The following EPN2 variants were observed in gnomAD, a reference collection of about 807,000 sequenced individuals.
The protein encoded by EPN2 is epsin-2.
A neutral mutation model predicts 61.7 loss-of-function variants in EPN2; 34 were observed. That is an observed-to-expected ratio of 0.55 (90% CI 0.42 to 0.73). EPN2 has a LOEUF of 0.73. EPN2 is among the 30% of genes least tolerant of loss of function. The pLI is 0.00. For synonymous variants in EPN2, 349 were observed against 353.6 expected, an observed-to-expected ratio of 0.99 and a Z score of 0.15; for missense variants, 714 against 839.2, an observed-to-expected ratio of 0.85 and a Z score of 1.84.
At chr17:19,315,512 A>T (rs1430176253) in intron 7 of EPN2, among the ~76,000 whole-genome samples, 2 of 151,568 alleles carry the variant, frequency 1.3e-5, no homozygotes, top group Admixed American at 1.3e-4. Context: ...TTTTTTTGAG[A>T]CAGTCTCACT....
At chr17:19,319,944 A>G (rs1391036276) in intron 7 of EPN2, among the ~76,000 whole-genome samples, 1 of 152,232 alleles carries the variant, frequency 6.6e-6, no homozygotes, top group Non-Finnish European at 1.5e-5. Context: ...TTGGGATTAC[A>G]CCATGCCCAG....
At chr17:19,272,558 C>G (rs1042544838) in intron 1 of EPN2, among the ~76,000 whole-genome samples, 1 of 152,092 alleles carries the variant, frequency 6.6e-6, no homozygotes, top group African/African-American at 2.4e-5. Flanking sequence ...ATTTTAGAAG[C>G]GAGGACCCTG....
intron 7 of EPN2, among the ~76,000 whole-genome samples, chr17:19,325,609 T>TA (rs1173787373): frequency 6.6e-6 from 1 of 152,216 alleles, no homozygotes; most frequent in African/African-American, 2.4e-5. Flanking sequence ...GAAAAAAGCC[T>TA]ATAGCTAACA....
rs2045391010 is a variant in EPN2 at position 19,285,010 on chromosome 17, A to G, written c.596-610A>G. 6.6e-6 allele frequency among the ~76,000 whole-genome samples: 1 copy of G among 152,234 alleles called. No individual in the cohort carries two copies. Among genetic ancestry groups the G allele is most frequent in the Admixed American group, 6.5e-5 (1 of 15,288 alleles). On this transcript the variant is annotated intron_variant, in intron 3 of 10. Coordinates refer to ENST00000314728, the MANE Select transcript of EPN2 (RefSeq NM_014964.5). This position sits in a 1 kb window ranked among gnomAD's most constrained non-coding sequence, Gnocchi z 4.5. ...AAGCCTCAATGCAGGGTTAAATTGC[A>G]CCAAAACAAATGAAGATTGCCCTTT...
chr17:19,262,917 A>G (rs1384686623), intron 1 of EPN2, among the ~76,000 whole-genome samples: 2 of 152,232 alleles, frequency 1.3e-5, no homozygotes, highest in East Asian at 3.8e-4. Context: ...AATGGGCCAG[A>G]ACTTCCTTTT....
chr17:19,308,155 C>T (rs902166832), intron 4 of EPN2: 1 of 533,506 alleles, frequency 1.9e-6, no homozygotes, highest in Non-Finnish European at 2.4e-6. Context: ...CTCACTGCAA[C>T]CTCTGCCTTC....
intron 4 of EPN2, among the ~76,000 whole-genome samples, chr17:19,290,700 C>CAAAAAAAAAA (rs757256478): frequency 2.0e-4 from 8 of 40,988 alleles, no homozygotes; most frequent in Non-Finnish European, 2.7e-4. Flanking sequence ...TTCCCGTTCT[C>CAAAAAAAAAA]AAAAAAAAAA....
chr17:19,286,198 A>C (rs954534354), intron 4 of EPN2, among the ~76,000 whole-genome samples: 2 of 152,222 alleles, frequency 1.3e-5, no homozygotes, highest in South Asian at 2.1e-4. Flanking sequence ...CACCAGACAA[A>C]TATAAGATCC....
At chr17:19,294,758 A>G (rs534690150) in intron 4 of EPN2, among the ~76,000 whole-genome samples, 16 of 152,300 alleles carry the variant, frequency 1.1e-4, no homozygotes, top group African/African-American at 3.6e-4. Context: ...CACCTTTGCC[A>G]CACTTCTCAA....
intron 1 of EPN2, chr17:19,257,806 C>T (rs1482110789): frequency 1.3e-5 from 2 of 152,394 alleles, no homozygotes; most frequent in East Asian, 3.9e-4. Flanking sequence ...GTGTGAGCCA[C>T]CACACCCAGC....
chr17:19,257,416 A>T (rs2045091924), intron 1 of EPN2, among the ~76,000 whole-genome samples: 1 of 152,206 alleles, frequency 6.6e-6, no homozygotes, highest in Non-Finnish European at 1.5e-5. Flanking sequence ...CCTAAGTAGG[A>T]TGGACCAAAC....
chr17:19,290,279 G>A (rs1484893344), intron 4 of EPN2, among the ~76,000 whole-genome samples: 5 of 152,196 alleles, frequency 3.3e-5, no homozygotes, highest in African/African-American at 1.2e-4. Flanking sequence ...GGGGTGAGCA[G>A]CCCACATGTT....
Position 19,246,924 on chromosome 17 carries a change from C to T in EPN2, c.-294+9393C>T, listed in dbSNP as rs1037127453. On this transcript the variant is annotated intron_variant, in intron 1 of 10. Coordinates refer to ENST00000314728, the MANE Select transcript of EPN2 (RefSeq NM_014964.5). ...CTGGGACTACAGGCGCCCGCCACCA[C>T]GCCTGGCTGATTTCTTTTTGTATTT... Among the ~76,000 whole-genome samples the T allele has an allele frequency of 3.9e-5, 6 of 152,050 alleles. No individual in the cohort carries two copies. The East Asian group carries it at 7.7e-4, about 20-fold the overall frequency.
chr17:19,276,927 C>T (rs1567851390), intron 1 of EPN2, among the ~76,000 whole-genome samples: 1 of 152,046 alleles, frequency 6.6e-6, no homozygotes, highest in Non-Finnish European at 1.5e-5. Context: ...TCACACACTT[C>T]CTCAGGTTTG....
At chr17:19,318,548 T>TGAAAAAAAAAAAAAAAAAAAAA (rs1906493222) in intron 7 of EPN2, among the ~76,000 whole-genome samples, 1 of 1,480 alleles carries the variant, frequency 6.8e-4, no homozygotes, top group Non-Finnish European at 7.8e-3. Flanking sequence ...AGACTCCATC[T>TGAAAAAAAAAAAAAAAAAAAAA]CAAAAAAAAA....
chr17:19,314,825 G>A (rs1179708770), intron 7 of EPN2, among the ~76,000 whole-genome samples: 1 of 152,234 alleles, frequency 6.6e-6, no homozygotes, highest in Non-Finnish European at 1.5e-5. Flanking sequence ...ACCACACATG[G>A]GGACTGTGGT....
At position 19,283,610 on chromosome 17, in the gene EPN2, A is replaced by G. The variant is rs775446915; in HGVS notation, c.491A>G (p.Asn164Ser). ...MAQVATGMGS[N>S]QITFGRGSSQ... ...CAGGTTGCCACTGGCATGGGCAGCA[A>G]CCAGATCACCTTTGGGCGAGGCTCC... The change falls in exon 3 of 11, where the codon AAC becomes AGC. Residue 164 changes from asparagine to serine, a missense_variant. Coordinates refer to ENST00000314728, the MANE Select transcript of EPN2 (RefSeq NM_014964.5). The surrounding 1 kb of genome is among the most constrained non-coding windows in gnomAD (Gnocchi z 7.0). 1.9e-6 allele frequency: 3 copies of G among 1,614,134 alleles called. No homozygotes were observed. The highest frequency in any genetic ancestry group is 3.3e-5 in the Admixed American group (2 of 60,032).
chr17:19,301,858 A>G (rs1905536378), intron 4 of EPN2, among the ~76,000 whole-genome samples: 2 of 152,232 alleles, frequency 1.3e-5, no homozygotes, highest in African/African-American at 4.8e-5. Context: ...GCTCATGGGA[A>G]CAGGGACTTT....
chr17:19,287,999 T>C (rs552470266), intron 4 of EPN2, among the ~76,000 whole-genome samples: 1 of 152,342 alleles, frequency 6.6e-6, no homozygotes, highest in South Asian at 2.1e-4. Context: ...TTTCCTGCTG[T>C]CATTATCTCC....
Sources: allele counts gnomAD v4.1 joint callset (sites outside exome capture counted in the v4.1 genomes callset), GRCh38; gene constraint gnomAD v4.1.1; non-coding constraint Gnocchi (gnomAD v3.1); transcripts MANE v1.5; gene names NCBI Gene and HGNC (gene_info 2026-07-23, HGNC 2026-07-21).